MSANTD5: variants seen among roughly 807,000 people sequenced by gnomAD.
MSANTD5 encodes Myb/SANT DNA binding domain containing 5, also known as uncharacterized protein MSANTD5.
chr5:178,693,572 A>C (rs1196455891), downstream of MSANTD5, among the ~76,000 whole-genome samples: 1 of 152,084 alleles, frequency 6.6e-6, no homozygotes, highest in Non-Finnish European at 1.5e-5. Flanking sequence ...AAGGGTGAGC[A>C]GCAGCAAGAA....
upstream of MSANTD5, among the ~76,000 whole-genome samples, chr5:178,700,780 C>A (rs182558297): frequency 6.6e-6 from 1 of 152,274 alleles, no homozygotes; most frequent in African/African-American, 2.4e-5. Flanking sequence ...AGGCCAGGGA[C>A]CTTTTTATTT....
the MSANTD5 span, among the ~76,000 whole-genome samples, chr5:178,705,937 A>G: frequency 6.6e-6 from 1 of 152,194 alleles, no homozygotes; most frequent in East Asian, 1.9e-4. Context: ...AGCCTGAGTG[A>G]CAGAGTGAGA....
chr5:178,700,403 T>A (rs1178058787), upstream of MSANTD5, among the ~76,000 whole-genome samples: 1 of 152,192 alleles, frequency 6.6e-6, no homozygotes, highest in African/African-American at 2.4e-5. Context: ...AATTTAGTTA[T>A]CCTGGGCTGG....
chr5:178,697,166 G>T (rs907023673), intron 1 of MSANTD5, among the ~76,000 whole-genome samples: 6 of 152,098 alleles, frequency 3.9e-5, no homozygotes, highest in Admixed American at 3.9e-4. Context: ...AGAGGAAGCG[G>T]GTGCCTTAGA....
chr5:178,706,252 C>T, the MSANTD5 span, among the ~76,000 whole-genome samples: 2 of 152,094 alleles, frequency 1.3e-5, no homozygotes, highest in Non-Finnish European at 2.9e-5. Flanking sequence ...TCATTAGCTC[C>T]TTTATTTATA....
At chr5:178,691,997 G>A (rs999121654), downstream of MSANTD5, among the ~76,000 whole-genome samples, 15 of 127,730 alleles carry the variant, frequency 1.2e-4, 4 homozygotes, top group Non-Finnish European at 2.2e-4. Context: ...AGGATATGGA[G>A]AAACTGGTTC....
the MSANTD5 span, among the ~76,000 whole-genome samples, chr5:178,703,245 C>T: frequency 4.6e-5 from 7 of 152,212 alleles, no homozygotes; most frequent in South Asian, 8.3e-4. Context: ...CACAGGTGTG[C>T]GGAGGGCGCC....
upstream of MSANTD5, among the ~76,000 whole-genome samples, chr5:178,702,082 TAAAAAAAAA>T (rs776552032): frequency 1.5e-5 from 2 of 137,568 alleles, no homozygotes; most frequent in Non-Finnish European, 3.2e-5. Context: ...CTGGATTAAC[TAAAAAAAAA>T]AAAAATAAAA....
At chr5:178,702,301 C>CTTTTTTTT (rs372575693), upstream of MSANTD5, among the ~76,000 whole-genome samples, 3 of 133,372 alleles carry the variant, frequency 2.2e-5, no homozygotes, top group Non-Finnish European at 4.9e-5. Context: ...CTTTTTTTTT[C>CTTTTTTTT]TTTTTTTTTT....
At chr5:178,693,631 G>C (rs1765379354), downstream of MSANTD5, among the ~76,000 whole-genome samples, 1 of 152,058 alleles carries the variant, frequency 6.6e-6, no homozygotes, top group Admixed American at 6.5e-5. Context: ...GCACGAAAGA[G>C]GACCTGAGCA....
At chr5:178,698,793 G>A (rs375199754), upstream of MSANTD5, among the ~76,000 whole-genome samples, 2 of 128,940 alleles carry the variant, frequency 1.6e-5, no homozygotes, top group Middle Eastern at 5.1e-3. Flanking sequence ...GTCTCACTAC[G>A]TTGCTCAGGC....
downstream of MSANTD5, among the ~76,000 whole-genome samples, chr5:178,692,521 A>G (rs1211996583): frequency 1.3e-5 from 2 of 152,022 alleles, no homozygotes; most frequent in Non-Finnish European, 2.9e-5. Flanking sequence ...AATAGTCCAA[A>G]CTGGAAACAT....
chr5:178,701,099 A>G (rs944558118), upstream of MSANTD5, among the ~76,000 whole-genome samples: 8 of 152,066 alleles, frequency 5.3e-5, no homozygotes, highest in Admixed American at 3.3e-4. Context: ...TCAGCCTCCC[A>G]AGTAGCTGGG....
downstream of MSANTD5, among the ~76,000 whole-genome samples, chr5:178,692,126 T>C (rs192240811): frequency 3.4e-4 from 43 of 126,426 alleles, 2 homozygotes; most frequent in East Asian, 8.3e-3. Context: ...ATGCCTGTAA[T>C]CCCAGCACTT....
chr5:178,704,312 G>A, the MSANTD5 span, among the ~76,000 whole-genome samples: 13 of 152,258 alleles, frequency 8.5e-5, no homozygotes, highest in South Asian at 1.9e-3. Flanking sequence ...TGAGGCCCCC[G>A]GGAGATGATT....
At chr5:178,702,396 G>A (rs1043021779), upstream of MSANTD5, among the ~76,000 whole-genome samples, 1 of 150,750 alleles carries the variant, frequency 6.6e-6, no homozygotes, top group Non-Finnish European at 1.5e-5. Flanking sequence ...CGCCTCCTGG[G>A]TTCAGGCGAT....
At chr5:178,691,950 G>A (rs867472174), downstream of MSANTD5, among the ~76,000 whole-genome samples, 1 of 134,422 alleles carries the variant, frequency 7.4e-6, no homozygotes, top group South Asian at 2.3e-4. Context: ...CATTCTATTC[G>A]CCTTTTAATG....
At chr5:178,701,256 C>T (rs930670319), upstream of MSANTD5, among the ~76,000 whole-genome samples, 7 of 152,052 alleles carry the variant, frequency 4.6e-5, no homozygotes, top group Non-Finnish European at 7.4e-5. Flanking sequence ...GGATTACATG[C>T]GTGAGCCACG....
upstream of MSANTD5, among the ~76,000 whole-genome samples, chr5:178,701,405 C>T (rs1285627637): frequency 1.3e-5 from 2 of 151,838 alleles, no homozygotes; most frequent in Admixed American, 6.6e-5. Flanking sequence ...GCAACAAGGT[C>T]GAATACTGGG....
Sources: gnomAD v4.1 joint callset for allele counts (sites outside exome capture counted in the v4.1 genomes callset) on GRCh38, gnomAD v4.1.1 for gene constraint, MANE v1.5 for transcripts, NCBI Gene and HGNC (gene_info 2026-07-23, HGNC 2026-07-21) for gene names.